The following NAA11 variants were observed in gnomAD, a reference collection of about 807,000 sequenced individuals.
The protein encoded by NAA11 is N-alpha-acetyltransferase 11.
Under a neutral mutation model 16.1 loss-of-function variants are expected in NAA11, and 15 were observed. The ratio of observed to expected loss-of-function variants is 0.93; its 90% CI spans 0.62 to 1.44. The LOEUF is 1.44. Ranked by LOEUF, NAA11 falls within the 40% of genes most tolerant of loss-of-function variation. The pLI is 0.00. For synonymous variants in NAA11, 122 were observed against 112.4 expected (o/e 1.09, Z -0.54); for missense variants, 298 against 291.3 (o/e 1.02, Z -0.17).
intron 2 of NAA11, among the ~76,000 whole-genome samples, chr4:79,272,134 T>G (rs1385467602): frequency 6.6e-6 from 1 of 151,454 alleles, no homozygotes; most frequent in African/African-American, 2.4e-5. Flanking sequence ...TATACACAAA[T>G]AAGGCTCCAC....
At chr4:79,226,259 T>A (rs1020368877) in exon 3 of NAA11, 1 of 152,018 alleles carries the variant, frequency 6.6e-6, no homozygotes, top group African/African-American at 2.4e-5. Flanking sequence ...CAGATCTTCA[T>A]TGGCTTTTCA....
chr4:79,291,735 C>A (rs1179873466), intron 2 of NAA11, among the ~76,000 whole-genome samples: 1 of 151,492 alleles, frequency 6.6e-6, no homozygotes, highest in African/African-American at 2.4e-5. Flanking sequence ...AAGAAACAAA[C>A]AAATAAATAA....
the NAA11 span, among the ~76,000 whole-genome samples, chr4:79,194,516 C>G: frequency 4.0e-5 from 6 of 151,618 alleles, no homozygotes; most frequent in African/African-American, 1.5e-4. Context: ...GGCAAGTGTC[C>G]GGAGGTGAGA....
chr4:79,223,557 A>G (rs1721241523), downstream of NAA11, among the ~76,000 whole-genome samples: 1 of 150,096 alleles, frequency 6.7e-6, no homozygotes, highest in South Asian at 2.1e-4. Flanking sequence ...ATGACGAGTT[A>G]GTGGGTTCAG....
At chr4:79,270,024 C>T (rs574744942) in intron 2 of NAA11, among the ~76,000 whole-genome samples, 43 of 151,284 alleles carry the variant, frequency 2.8e-4, no homozygotes, top group East Asian at 2.3e-3. Flanking sequence ...AGGTATGCGG[C>T]GTTATTTCTG....
the NAA11 span, among the ~76,000 whole-genome samples, chr4:79,211,422 C>T: frequency 4.0e-5 from 6 of 151,712 alleles, no homozygotes; most frequent in Non-Finnish European, 8.8e-5. Context: ...GAATATATAC[C>T]GTGTATATAT....
At chr4:79,309,922 A>C (rs1723717449) in intron 1 of NAA11, among the ~76,000 whole-genome samples, 1 of 152,028 alleles carries the variant, frequency 6.6e-6, no homozygotes, top group African/African-American at 2.4e-5. Flanking sequence ...TCACCGTGTT[A>C]GCCAGGGTGG....
chr4:79,225,243 T>TA (rs1233394063), downstream of NAA11, among the ~76,000 whole-genome samples: 1 of 151,976 alleles, frequency 6.6e-6, no homozygotes, highest in East Asian at 1.9e-4. Flanking sequence ...ATGAAACCAT[T>TA]AAAAAAATAA....
chr4:79,182,376 T>C, the NAA11 span, among the ~76,000 whole-genome samples: 1 of 152,176 alleles, frequency 6.6e-6, no homozygotes, highest in Non-Finnish European at 1.5e-5. Context: ...GGAAAATCAA[T>C]ACTAATGGGG....
At chr4:79,244,309 G>A (rs1393468510) in intron 2 of NAA11, among the ~76,000 whole-genome samples, 2 of 139,490 alleles carry the variant, frequency 1.4e-5, no homozygotes, top group African/African-American at 2.5e-5. Flanking sequence ...CCACCAGTCC[G>A]CTTCATTGGG....
chr4:79,211,545 A>G, the NAA11 span: 1 of 152,202 alleles, frequency 6.6e-6, no homozygotes, highest in Non-Finnish European at 1.5e-5. Flanking sequence ...ATATATGTAT[A>G]GATATACATT....
In NAA11 at chr4:79,325,266, A is replaced by C. The variant is rs78642123; in HGVS notation, c.612T>G (p.Ser204Arg). ...QKNPATEESG[S>R]DSKEPKESVE... The stretch of plus-strand genomic sequence containing the variant: ...CAGACTCCTTAGGTTCTTTGCTGTC[A>C]CTGCCACTTTCTTCGGTAGCCGGGT... The change falls in exon 1 of 2, where the codon AGT becomes AGG. Residue 204 changes from serine (S) to arginine (R), a missense_variant. Coordinates refer to ENST00000286794, the MANE Select transcript of NAA11 (RefSeq NM_032693.3). The C allele has an allele frequency of 1.2e-6, 2 of 1,613,780 alleles. No homozygotes were observed. The highest frequency in any genetic ancestry group is 2.2e-5 in the East Asian group (1 of 44,878).
the NAA11 span, among the ~76,000 whole-genome samples, chr4:79,215,903 A>G: frequency 6.6e-6 from 1 of 152,178 alleles, no homozygotes; most frequent in East Asian, 1.9e-4. Context: ...ATCTCTAAGT[A>G]TTATTTTTAG....
chr4:79,181,786 G>A, the NAA11 span, among the ~76,000 whole-genome samples: 1 of 152,168 alleles, frequency 6.6e-6, no homozygotes, highest in African/African-American at 2.4e-5. Flanking sequence ...AAAATCTGGG[G>A]CTGAAGTTGG....
intron 1 of NAA11, among the ~76,000 whole-genome samples, chr4:79,318,307 T>C (rs1723988097): frequency 6.6e-6 from 1 of 152,160 alleles, no homozygotes. Context: ...AAAATAACCA[T>C]AATGTTTCTT....
chr4:79,243,850 A>C (rs186373904), intron 2 of NAA11, among the ~76,000 whole-genome samples: 1 of 152,314 alleles, frequency 6.6e-6, no homozygotes, highest in Non-Finnish European at 1.5e-5. Context: ...AGAGGAAATA[A>C]AAAGGGCCTT....
At position 79,274,134 on chromosome 4, in the gene NAA11, A is replaced by G. The variant is rs1009205363; in HGVS notation, c.*122+19871T>C. Among the ~76,000 whole-genome samples the G allele has an allele frequency of 2.0e-5, 3 of 152,214 alleles. No individual in the cohort carries two copies. The South Asian group carries it at 6.2e-4, about 32-fold the overall frequency. On this transcript the variant is annotated intron_variant and NMD_transcript_variant, in intron 2 of 2. Coordinates refer to the NAA11 transcript ENST00000511542. ...GAGCTCTTGTGAATTATTTGCTGAT[A>G]GATGTAAACAGCTGTTATTCTTGGT...
the NAA11 span, among the ~76,000 whole-genome samples, chr4:79,166,543 G>A: frequency 1.6e-4 from 24 of 147,032 alleles, no homozygotes; most frequent in African/African-American, 6.0e-4. Context: ...AGACAGGCTG[G>A]TCTTGAACTC....
intron 2 of NAA11, among the ~76,000 whole-genome samples, chr4:79,256,669 T>TATATATATA (rs1560427608): frequency 6.8e-6 from 1 of 146,870 alleles, no homozygotes; most frequent in Non-Finnish European, 1.5e-5. Context: ...TATATATATA[T>TATATATATA]TGACACGAGG....
Sources: gnomAD v4.1 joint callset for allele counts (sites outside exome capture counted in the v4.1 genomes callset) on GRCh38, gnomAD v4.1.1 for gene constraint, MANE v1.5 for transcripts, NCBI Gene and HGNC (gene_info 2026-07-23, HGNC 2026-07-21) for gene names.